MAGI1: variants seen among roughly 807,000 people sequenced by gnomAD.
The protein encoded by MAGI1 is membrane-associated guanylate kinase, WW and PDZ domain-containing protein 1.
In MAGI1, 58 loss-of-function variants were observed where a neutral mutation model predicts 139.9. The observed-to-expected ratio is 0.41, with a 90% CI of 0.34 to 0.52. The LOEUF (loss-of-function observed/expected upper bound fraction) is 0.52. MAGI1 is among the 20% of genes least tolerant of loss of function. The pLI, the probability that MAGI1 is intolerant of heterozygous loss-of-function variation, is 0.12. For missense variants in MAGI1, 1,874 were observed against 1,901.6 expected (o/e 0.99, Z 0.27); for synonymous variants, 812 against 737.9 (o/e 1.10, Z -1.63).
chr3:65,412,134 C>G (rs1945844763), intron 12 of MAGI1, among the ~76,000 whole-genome samples: 1 of 152,106 alleles, frequency 6.6e-6, no homozygotes, highest in Non-Finnish European at 1.5e-5. Context: ...TGGATGTGAC[C>G]CCTCCTATCT....
At chr3:65,829,087 A>T (rs1421212235) in intron 1 of MAGI1, among the ~76,000 whole-genome samples, 4 of 152,178 alleles carry the variant, frequency 2.6e-5, no homozygotes, top group Non-Finnish European at 5.9e-5. Flanking sequence ...CCCTTTCAAC[A>T]CCTTGATTTT....
chr3:65,759,058 C>T (rs977924315), intron 1 of MAGI1, among the ~76,000 whole-genome samples: 2 of 108,788 alleles, frequency 1.8e-5, no homozygotes, highest in Admixed American at 2.2e-4. Flanking sequence ...AACTGTTAGG[C>T]CCAGTGCAAA....
At chr3:66,002,969 G>C (rs946253109) in intron 1 of MAGI1, among the ~76,000 whole-genome samples, 3 of 152,138 alleles carry the variant, frequency 2.0e-5, no homozygotes, top group Non-Finnish European at 2.9e-5. Flanking sequence ...ATAGTACAGA[G>C]CTGGAATTAA....
chr3:65,493,714 C>G, intron 2 of MAGI1, 83 bp from the exon 3 acceptor site: 2 of 1,542,360 alleles, frequency 1.3e-6, no homozygotes, highest in Admixed American at 1.7e-5. Flanking sequence ...TTAAAATAAC[C>G]TGTTCAGTAA....
At chr3:65,361,403 AAGCAC>A in intron 21 of MAGI1, 66 bp from the exon 22 acceptor site, 2 of 1,540,178 alleles carry the variant, frequency 1.3e-6, no homozygotes, top group Non-Finnish European at 1.8e-6. Context: ...AATGTTTATT[AAGCAC>A]GTGGCAGAAC....
chr3:65,449,318 G>A (rs1948877099), intron 6 of MAGI1, among the ~76,000 whole-genome samples: 1 of 152,104 alleles, frequency 6.6e-6, no homozygotes, highest in South Asian at 2.1e-4. Context: ...GTTTTGATTG[G>A]CACCGTTTCT....
intron 1 of MAGI1, among the ~76,000 whole-genome samples, chr3:65,984,035 G>A (rs2065738627): frequency 6.6e-6 from 1 of 152,152 alleles, no homozygotes. Context: ...GCTCATGCCT[G>A]TAATTCCCAA....
chr3:65,408,794 G>C (rs1393372056), intron 12 of MAGI1, among the ~76,000 whole-genome samples: 1 of 152,212 alleles, frequency 6.6e-6, no homozygotes, highest in African/African-American at 2.4e-5. Context: ...TTTCCACTGA[G>C]GGTAGGAAGG....
chr3:65,999,972 C>CTTTTTTT (rs3048011), intron 1 of MAGI1, among the ~76,000 whole-genome samples: 11 of 113,278 alleles, frequency 9.7e-5, no homozygotes, highest in African/African-American at 2.4e-4. Flanking sequence ...TCCCCCCACG[C>CTTTTTTT]TTTTTTTTTT....
At chr3:66,027,618 A>G (rs971202148) in intron 1 of MAGI1, among the ~76,000 whole-genome samples, 2 of 152,240 alleles carry the variant, frequency 1.3e-5, no homozygotes, top group Admixed American at 6.5e-5. Context: ...AATGAGAATA[A>G]GCTCATCTAC....
At chr3:66,027,508 G>C (rs1406858422) in intron 1 of MAGI1, among the ~76,000 whole-genome samples, 2 of 152,020 alleles carry the variant, frequency 1.3e-5, no homozygotes, top group African/African-American at 4.8e-5. Flanking sequence ...CCTAGAGTAA[G>C]ATTATTGGAA....
chr3:66,009,774 G>C (rs1368864258), intron 1 of MAGI1, among the ~76,000 whole-genome samples: 1 of 151,630 alleles, frequency 6.6e-6, no homozygotes, highest in African/African-American at 2.4e-5. Context: ...CAACCTAAAA[G>C]AATCATTGTT....
At chr3:65,736,106 G>A (rs970743839) in intron 1 of MAGI1, among the ~76,000 whole-genome samples, 1 of 152,214 alleles carries the variant, frequency 6.6e-6, no homozygotes, top group Admixed American at 6.5e-5. Context: ...ATTTTTGAAA[G>A]TGAATTCAGA....
At chr3:65,554,467 G>T (rs1262553496) in intron 2 of MAGI1, among the ~76,000 whole-genome samples, 1 of 152,078 alleles carries the variant, frequency 6.6e-6, no homozygotes, top group South Asian at 2.1e-4. Flanking sequence ...CTTTCTTACC[G>T]ATGGGAAAAA....
At chr3:65,552,744 G>A (rs1355540728) in intron 2 of MAGI1, among the ~76,000 whole-genome samples, 1 of 152,182 alleles carries the variant, frequency 6.6e-6, no homozygotes, top group African/African-American at 2.4e-5. Context: ...ACTGAAATTT[G>A]CATCTGCCTA....
chr3:65,886,764 G>A (rs991899342), intron 1 of MAGI1, among the ~76,000 whole-genome samples: 1 of 152,164 alleles, frequency 6.6e-6, no homozygotes, highest in African/African-American at 2.4e-5. Context: ...CGTTACATAA[G>A]GTAGAAATGA....
intron 2 of MAGI1, among the ~76,000 whole-genome samples, chr3:65,596,178 C>G (rs2082186324): frequency 6.6e-6 from 1 of 152,114 alleles, no homozygotes; most frequent in Non-Finnish European, 1.5e-5. Flanking sequence ...AAAAGACAAG[C>G]TTTTCTCAAC....
At chr3:65,831,604 C>T (rs1559924173) in intron 1 of MAGI1, among the ~76,000 whole-genome samples, 1 of 152,152 alleles carries the variant, frequency 6.6e-6, no homozygotes. Context: ...TATAAAAATG[C>T]CGTTTTTGAA....
intron 2 of MAGI1, among the ~76,000 whole-genome samples, chr3:65,509,333 T>G (rs2077451402): frequency 1.3e-5 from 2 of 152,232 alleles, no homozygotes; most frequent in South Asian, 4.1e-4. Context: ...AGCTCCGGTC[T>G]ACAGCTCCCA....
Sources: allele counts gnomAD v4.1 joint callset (sites outside exome capture counted in the v4.1 genomes callset), GRCh38; gene constraint gnomAD v4.1.1; transcripts MANE v1.5; gene names NCBI Gene and HGNC (gene_info 2026-07-23, HGNC 2026-07-21).